ADAM8: variants seen among roughly 807,000 people sequenced by gnomAD.
ADAM8 encodes the protein ADAM metallopeptidase domain 8.
In ADAM8, 104 loss-of-function variants were observed where a neutral mutation model predicts 102.4. That is an observed-to-expected ratio of 1.02 (90% confidence interval 0.87 to 1.20). The LOEUF (loss-of-function observed/expected upper bound fraction) is 1.20. Ranked by LOEUF, ADAM8 falls within the 50% of genes most tolerant of loss-of-function variation. ADAM8 has a pLI of 0.00. For missense variants in ADAM8, 1,132 were observed against 1,159.0 expected (o/e 0.98, Z 0.34); for synonymous variants, 517 against 485.2 (o/e 1.07, Z -0.86).
chr10:133,265,797 CAA>C (rs112771721), intron 21 of ADAM8, among the ~76,000 whole-genome samples: 1 of 135,944 alleles, frequency 7.4e-6, no homozygotes, highest in Non-Finnish European at 1.6e-5. Context: ...GACTCCATCT[CAA>C]AAAAAAAAAA....
intron 18 of ADAM8, 105 bp downstream of exon 18, chr10:133,269,340 C>T: frequency 7.6e-7 from 1 of 1,310,058 alleles, no homozygotes; most frequent in Non-Finnish European, 1.0e-6. Flanking sequence ...CAAACTGGCA[C>T]CGTGAACACC....
chr10:133,274,849 T>G (rs1846689381), intron 2 of ADAM8: 1 of 434,910 alleles, frequency 2.3e-6, no homozygotes, highest in African/African-American at 2.1e-5. Context: ...AGCCCCCATG[T>G]GCAGGCTGGG....
intron 5 of ADAM8, 69 bp downstream of exon 5, chr10:133,273,693 C>T (rs1846634432): frequency 6.7e-7 from 1 of 1,497,560 alleles, no homozygotes; most frequent in Admixed American, 2.0e-5. Flanking sequence ...CTCCCTTCCC[C>T]ACCCCCACCA....
chr10:133,265,955 G>A (rs1045660640), intron 21 of ADAM8, among the ~76,000 whole-genome samples: 2 of 152,172 alleles, frequency 1.3e-5, no homozygotes, highest in African/African-American at 2.4e-5. Flanking sequence ...ATAAAAAGAA[G>A]ACAGGAGCTT....
rs539325644 is a variant in ADAM8, at chr10:133,271,841, G to C, written c.1071C>G (p.Phe357Leu). 1 of 1,612,438 alleles carries C rather than the reference G, an allele frequency of 6.2e-7. No individual in the cohort carries two copies. The highest frequency in any genetic ancestry group is 8.5e-7 in the Non-Finnish European group (1 of 1,179,782). The part of the protein sequence containing the change: ...NVQGCRCQER[F>L]EAGRCIMAGS... ...CCGCCATGATGCAGCGGCCGGCCTC[G>C]AAGCGTTCCTGGCAGCGGCAGCCCT... Residue 357 changes from phenylalanine to leucine, a missense_variant, in exon 11 of 23, where the codon TTC becomes TTG. Coordinates refer to ENST00000445355, the MANE Select transcript of ADAM8 (RefSeq NM_001109.5).
intron 22 of ADAM8, 79 bp downstream of exon 22, chr10:133,263,609 A>AGTGCAACCGTCAGCCCCGTGGGGAGGCC: frequency 7.7e-5 from 5 of 64,786 alleles, no homozygotes; most frequent in South Asian, 1.8e-4. Flanking sequence ...CCTCCAGGGC[A>AGTGCAACCGTCAGCCCCGTGGGGAGGCC]GTGCCACCGT....
intron 21 of ADAM8, 167 bp from the exon 22 acceptor site, chr10:133,263,932 T>TG: frequency 1.9e-6 from 1 of 524,532 alleles, no homozygotes; most frequent in East Asian, 3.5e-5. Context: ...AAAGCCCTCC[T>TG]GGCTGCCACT....
At chr10:133,263,953 A>G in intron 21 of ADAM8, 188 bp from the exon 22 acceptor site, 3 of 481,762 alleles carry the variant, frequency 6.2e-6, no homozygotes, top group Non-Finnish European at 1.1e-5. Flanking sequence ...GCCCAGGAAT[A>G]AAGCCCATCA....
chr10:133,273,171 C>G, intron 6 of ADAM8, 83 bp downstream of exon 6: 3 of 1,581,156 alleles, frequency 1.9e-6, no homozygotes, highest in Middle Eastern at 2.0e-4. Flanking sequence ...CAGCACCCAG[C>G]ACATGGGGAG....
intron 19 of ADAM8, 44 bp downstream of exon 19, chr10:133,268,704 G>T: frequency 6.4e-7 from 1 of 1,572,334 alleles, no homozygotes. Flanking sequence ...AGCTGAGCAC[G>T]GGAAGCACTC....
chr10:133,273,345 A>G lies in ADAM8; in HGVS notation c.482T>C (p.Leu161Pro), dbSNP rs768702720. Residue 161 changes from leucine (L) to proline (P), a missense_variant, in exon 6 of 23, where the codon CTG becomes CCG. By Grantham distance (98) the Leu-to-Pro change is moderately conservative (BLOSUM62 -3). Transcript: ENST00000445355. Reference protein sequence around the residue: ...RHAVYQAEHLLQTAGTCGVSD... With the variant: ...RHAVYQAEHLPQTAGTCGVSD... Reference sequence around the variant, plus strand: ...GACCCCGCAGGTCCCGGCCGTCTGCAGCAGGTGCTCAGCCTGGTACACGGC... The same window carrying G: ...GACCCCGCAGGTCCCGGCCGTCTGCGGCAGGTGCTCAGCCTGGTACACGGC... The G allele has an allele frequency of 1.3e-6, 2 of 1,569,776 alleles. No individual in the cohort carries two copies. The highest frequency in any genetic ancestry group is 1.7e-6 in the Non-Finnish European group (2 of 1,158,434).
intron 21 of ADAM8, among the ~76,000 whole-genome samples, chr10:133,264,390 G>C (rs1374404303): frequency 2.0e-5 from 3 of 152,150 alleles, no homozygotes; most frequent in Admixed American, 6.5e-5. Context: ...CCGGAATGTG[G>C]GGTTTTGGAA....
chr10:133,273,713 G>A lies in ADAM8; in HGVS notation c.383+49C>T, dbSNP rs1375765147. 7 of 1,531,908 alleles carry A rather than the reference G, an allele frequency of 4.6e-6. No individual in the cohort carries two copies. The East Asian group carries it at 1.5e-4, about 32-fold the overall frequency. 94.9% of individuals were successfully genotyped at this position (1,531,908 alleles called of 1,614,324 possible). A position where few individuals can be genotyped will look rare whatever the true frequency, so the allele number is the denominator to read the frequency against. On this transcript the variant is annotated intron_variant, in intron 5 of 22. Transcript: ENST00000445355. ...TTCCCCACCCCCACCACAGGCTTAGGCCTTCCTCTCCACCTGCGGGAGCCC... is the reference window on the plus strand; with the variant it reads ...TTCCCCACCCCCACCACAGGCTTAGACCTTCCTCTCCACCTGCGGGAGCCC...
In ADAM8 at chr10:133,273,273, A is replaced by G; in HGVS notation, c.554T>C (p.Val185Ala). The G allele has an allele frequency of 1.2e-6, 2 of 1,601,660 alleles. No homozygotes were observed. The highest frequency in any genetic ancestry group is 1.7e-6 in the Non-Finnish European group (2 of 1,175,626). ...GSLLGPRTAA[V>A]FRPRPGDSLP... ...GCTCACCCCGGGCCGAGGCCTGAAG[A>G]CGGCTGCCGTCCGGGGTCCCAGGAG... is the stretch of plus-strand genomic sequence containing the variant. The change falls in exon 6 of 23, where the codon GTC (valine) becomes GCC (alanine). Residue 185 changes from valine (V) to alanine (A), a missense_variant. Coordinates refer to ENST00000445355, the MANE Select transcript of ADAM8 (RefSeq NM_001109.5).
intron 21 of ADAM8, among the ~76,000 whole-genome samples, chr10:133,264,771 G>A (rs77466567): frequency 1.2e-5 from 1 of 85,096 alleles, no homozygotes; most frequent in African/African-American, 4.8e-5. Context: ...AGCCTCTGCC[G>A]CATCTACCTC....
Position 133,272,507 on chromosome 10 carries a change from G to C in ADAM8, c.784C>G (p.Pro262Ala). The change falls in exon 9 of 23, where the codon CCC becomes GCC. Residue 262 changes from proline (P) to alanine (A), a missense_variant. Transcript: ENST00000445355. ...WNSQDRFHVS[P>A]DPSVTLENLL... ...TTCTCCAGTGTGACACTGGGGTCGG[G>C]GCTGACGTGGAACCTGTCCTGACTA... The C allele has an allele frequency of 6.2e-7, 1 of 1,612,270 alleles. No individual in the cohort carries two copies. The highest frequency in any genetic ancestry group is 8.5e-7 in the Non-Finnish European group (1 of 1,179,884).
intron 1 of ADAM8, 93 bp from the exon 2 acceptor site, chr10:133,275,680 G>T: frequency 1.5e-6 from 1 of 668,370 alleles, no homozygotes; most frequent in Non-Finnish European, 2.4e-6. Flanking sequence ...CTCTTGCTGG[G>T]CTTGACCCTC....
In ADAM8 at chr10:133,265,191, C is replaced by T. The variant is rs368600259; in HGVS notation, c.2320-1426G>A. Among the ~76,000 whole-genome samples the T allele has an allele frequency of 3.7e-3, 541 of 145,166 alleles. 9 individuals are homozygous for T. In the East Asian group the frequency reaches 0.04, roughly 11 times the overall value. ...CCCCATCTACCTCCACGCCCAGCTC[C>T]TGCTGCAGCCTCTGCCCCATCTACC... On this transcript the variant is annotated intron_variant, in intron 21 of 22. Coordinates refer to ENST00000445355, the MANE Select transcript of ADAM8 (RefSeq NM_001109.5).
In ADAM8 at chr10:133,272,732, G is replaced by A. The variant is rs565668808; in HGVS notation, c.705+66C>T. The A allele has an allele frequency of 9.6e-5, 142 of 1,475,572 alleles. No homozygotes were observed. The African/African-American group carries it at 2.1e-3, about 22-fold the overall frequency. 91.4% of individuals were successfully genotyped at this position (1,475,572 alleles called of 1,614,324 possible). ...AGCTGGAGCAGGTGGAATGAACCCT[G>A]TGGCAACACCCCCCCCACCTCCCGC... On this transcript the variant is annotated intron_variant, in intron 8 of 22. Coordinates refer to ENST00000445355, the MANE Select transcript of ADAM8 (RefSeq NM_001109.5).
Sources: allele counts gnomAD v4.1 joint callset (sites outside exome capture counted in the v4.1 genomes callset), GRCh38; gene constraint gnomAD v4.1.1; transcripts MANE v1.5; gene names NCBI Gene and HGNC (gene_info 2026-07-23, HGNC 2026-07-21).